The following CDCA7L variants were observed in gnomAD, a reference collection of about 807,000 sequenced individuals.
The protein encoded by CDCA7L is cell division cycle-associated 7-like protein.
A neutral mutation model predicts 57.4 loss-of-function variants in CDCA7L; 44 were observed. That is an observed-to-expected ratio of 0.77 (90% CI 0.60 to 0.98). The LOEUF (loss-of-function observed/expected upper bound fraction) is 0.98. Among genes scored for constraint, CDCA7L ranks in the 50% least tolerant of loss-of-function variants. The pLI is 0.00. For missense variants in CDCA7L, 644 were observed against 580.6 expected (o/e 1.11, Z -1.12); for synonymous variants, 236 against 202.8 (o/e 1.16, Z -1.39).
chr7:21,928,886 G>A (rs10085817), intron 1 of CDCA7L, among the ~76,000 whole-genome samples: 7 of 152,108 alleles, frequency 4.6e-5, no homozygotes, highest in East Asian at 1.9e-4. Flanking sequence ...CACTCTGCAC[G>A]ATATTATCCA....
At position 21,902,174 on chromosome 7, in the gene CDCA7L, T is replaced by A; in HGVS notation, c.*148A>T. ...TTCCTGAGAAATCTTTGTAAGCATA[T>A]AAACAATCTTTAACAAAAAATAGTA... On this transcript the variant is annotated 3_prime_UTR_variant, in exon 10 of 10. Coordinates refer to ENST00000406877, the MANE Select transcript of CDCA7L (RefSeq NM_018719.5). 1.3e-6 allele frequency: 1 copy of A among 780,048 alleles called. No individual in the cohort carries two copies. Among genetic ancestry groups the A allele is most frequent in the Non-Finnish European group, 2.2e-6 (1 of 458,892 alleles). 48.3% of individuals were successfully genotyped at this position (780,048 alleles called of 1,614,324 possible).
intron 1 of CDCA7L, among the ~76,000 whole-genome samples, chr7:21,923,176 T>G (rs1309935705): frequency 6.6e-6 from 1 of 152,152 alleles, no homozygotes; most frequent in Non-Finnish European, 1.5e-5. Flanking sequence ...TTAAAAAGAA[T>G]TCAACGAAAA....
chr7:21,909,530 A>C lies in CDCA7L; in HGVS notation c.304-1023T>G, dbSNP rs147730593. On this transcript the variant is annotated intron_variant, in intron 3 of 9. Coordinates refer to ENST00000406877, the MANE Select transcript of CDCA7L (RefSeq NM_018719.5). ...GTTAGAAATAAGACACAGGGAGAAA[A>C]AAAACGCAGATAACTGCCAACCCTG... Among the ~76,000 whole-genome samples the C allele has an allele frequency of 1.0e-3, 158 of 152,290 alleles. 1 individual carries two copies. The highest frequency in any genetic ancestry group is 3.7e-3 in the African/African-American group (153 of 41,556).
At chr7:21,930,229 A>G (rs1785963131) in intron 1 of CDCA7L, among the ~76,000 whole-genome samples, 1 of 152,208 alleles carries the variant, frequency 6.6e-6, no homozygotes, top group Non-Finnish European at 1.5e-5. Flanking sequence ...AGGGTAACTA[A>G]CGAAATCAAG....
At chr7:21,914,307 G>C (rs573431057) in intron 2 of CDCA7L, among the ~76,000 whole-genome samples, 1 of 152,300 alleles carries the variant, frequency 6.6e-6, no homozygotes, top group African/African-American at 2.4e-5. Flanking sequence ...CGAAAAGTCA[G>C]AGCCAGGGAA....
At chr7:21,903,288 C>T (rs1040548614) in intron 8 of CDCA7L, among the ~76,000 whole-genome samples, 174 bp from the exon 9 acceptor site, 2 of 152,146 alleles carry the variant, frequency 1.3e-5, no homozygotes, top group Admixed American at 6.5e-5. Flanking sequence ...AATCACCCCA[C>T]GTCACATGCA....
chr7:21,943,575 T>C (rs747706713), intron 1 of CDCA7L, among the ~76,000 whole-genome samples: 24 of 152,248 alleles, frequency 1.6e-4, no homozygotes, highest in Non-Finnish European at 2.9e-4. Flanking sequence ...TAAGTGTTCT[T>C]ATCCGCAGTC....
intron 1 of CDCA7L, among the ~76,000 whole-genome samples, chr7:21,929,720 A>G (rs1041713283): frequency 6.6e-6 from 1 of 152,020 alleles, no homozygotes; most frequent in African/African-American, 2.4e-5. Flanking sequence ...CAAAACAGAC[A>G]AAGAAGGGCA....
Position 21,908,189 on chromosome 7 carries a change from G to A in CDCA7L, c.622C>T (p.Gln208Ter). ...TTCAGCAAAGCATCTGAACTCTCCT[G>A]GCTCTCATCCCGAGAGTCATCCTCA... ...ESEDDSRDES[Q>*]ESSDALLKRT... Residue 208 changes from glutamine (Q) to a stop codon, truncating the protein, a stop_gained, in exon 4 of 10, where the codon CAG (glutamine) becomes TAG (stop). Coordinates refer to ENST00000406877, the MANE Select transcript of CDCA7L (RefSeq NM_018719.5). LOFTEE classifies it high-confidence loss of function. The A allele has an allele frequency of 6.2e-7, 1 of 1,606,796 alleles. No individual in the cohort carries two copies. The highest frequency in any genetic ancestry group is 8.5e-7 in the Non-Finnish European group (1 of 1,178,414).
In CDCA7L at chr7:21,932,186, T is replaced by C. The variant is rs565712952; in HGVS notation, c.24+13595A>G. On this transcript the variant is annotated intron_variant, in intron 1 of 9. Coordinates refer to ENST00000406877, the MANE Select transcript of CDCA7L (RefSeq NM_018719.5). Reference sequence around the variant, plus strand: ...CAAATGGAAAAATATTCCATGCTCATGGATAGGAAGAATCAGTATCATGAA... The same window carrying C: ...CAAATGGAAAAATATTCCATGCTCACGGATAGGAAGAATCAGTATCATGAA... Among the ~76,000 whole-genome samples the C allele has an allele frequency of 7.5e-4, 114 of 152,286 alleles. 1 individual carries two copies. Among genetic ancestry groups the C allele is most frequent in the Non-Finnish European group, 3.8e-4 (26 of 68,010 alleles).
intron 1 of CDCA7L, among the ~76,000 whole-genome samples, chr7:21,942,645 GT>G (rs1251134104): frequency 1.3e-5 from 2 of 152,114 alleles, no homozygotes; most frequent in Non-Finnish European, 2.9e-5. Context: ...GTTTGTAATT[GT>G]TTTAGGCCAC....
chr7:21,944,631 A>G (rs923957863), intron 1 of CDCA7L: 1 of 152,046 alleles, frequency 6.6e-6, no homozygotes, highest in African/African-American at 2.4e-5. Context: ...TTCTCAAGCG[A>G]CCATTTTCAG....
Position 21,906,640 on chromosome 7 carries a change from C to A in CDCA7L, c.682-1G>T, listed in dbSNP as rs761963412. 6.2e-7 allele frequency: 1 copy of A among 1,613,790 alleles called. No individual in the cohort carries two copies. Among genetic ancestry groups the A allele is most frequent in the Non-Finnish European group, 8.5e-7 (1 of 1,180,020 alleles). ...TCAATTCCGCCAATAACTGGGCAAG[C>A]TGAAGTTCAGAACAAAAGAAAGAAT... On this transcript the variant is annotated splice_acceptor_variant, in intron 4 of 9. Transcript: ENST00000406877. LOFTEE classifies it high-confidence loss of function.
chr7:21,902,704 GTTCC>G, intron 9 of CDCA7L: 1 of 448,368 alleles, frequency 2.2e-6, no homozygotes, highest in South Asian at 3.2e-5. Context: ...TTGTTTGTTT[GTTCC>G]TTCCATTTCT....
At chr7:21,914,292 G>A (rs939614930) in intron 2 of CDCA7L, among the ~76,000 whole-genome samples, 1 of 152,162 alleles carries the variant, frequency 6.6e-6, no homozygotes, top group South Asian at 2.1e-4. Flanking sequence ...AACAATACAT[G>A]AGGACGAAAA....
At chr7:21,942,414 G>C (rs1786368188) in intron 1 of CDCA7L, among the ~76,000 whole-genome samples, 1 of 152,122 alleles carries the variant, frequency 6.6e-6, no homozygotes, top group African/African-American at 2.4e-5. Flanking sequence ...GGCCCCAGTA[G>C]TATTTTCTTA....
At chr7:21,917,370 A>C (rs1785517835) in intron 1 of CDCA7L, among the ~76,000 whole-genome samples, 1 of 152,232 alleles carries the variant, frequency 6.6e-6, no homozygotes, top group African/African-American at 2.4e-5. Flanking sequence ...ACAATGAAAT[A>C]AGTAGCTTTT....
chr7:21,911,120 C>T (rs925658996), intron 3 of CDCA7L, among the ~76,000 whole-genome samples: 3 of 141,194 alleles, frequency 2.1e-5, no homozygotes, highest in African/African-American at 8.0e-5. Flanking sequence ...ACCTCTGCCT[C>T]CCGGCTTCAA....
At chr7:21,940,454 T>C (rs1412873205) in intron 1 of CDCA7L, 3 of 207,834 alleles carry the variant, frequency 1.4e-5, no homozygotes, top group African/African-American at 7.1e-5. Flanking sequence ...GCATCAAATA[T>C]ATGCCAGACA....
Sources: gnomAD v4.1 joint callset for allele counts (sites outside exome capture counted in the v4.1 genomes callset) on GRCh38, gnomAD v4.1.1 for gene constraint, MANE v1.5 for transcripts, NCBI Gene and HGNC (gene_info 2026-07-23, HGNC 2026-07-21) for gene names.